Variants in PCDHGA6 observed in about 807,000 individuals in gnomAD.
The protein encoded by PCDHGA6 is protocadherin gamma subfamily A, 6.
In PCDHGA6, 41 loss-of-function variants were observed where a neutral mutation model predicts 60.6. That is an observed-to-expected ratio of 0.68 (90% CI 0.53 to 0.88). The LOEUF (loss-of-function observed/expected upper bound fraction) is 0.88, where lower values mean the gene tolerates loss of function less well. Ranked by LOEUF, PCDHGA6 falls within the 40% of genes least tolerant of loss-of-function variation. The pLI is 0.00. For missense variants in PCDHGA6, 1,312 were observed against 1,203.0 expected, an observed-to-expected ratio of 1.09 and a Z score of -1.34; for synonymous variants, 594 against 524.4, an observed-to-expected ratio of 1.13 and a Z score of -1.81.
chr5:141,493,935 C>T lies in PCDHGA6; in HGVS notation c.2425-872C>T, dbSNP rs1317863228. Among the ~76,000 whole-genome samples the T allele has an allele frequency of 6.6e-6, 1 of 152,158 alleles. No homozygotes were observed. Among genetic ancestry groups the T allele is most frequent in the Non-Finnish European group, 1.5e-5 (1 of 68,020 alleles). On this transcript the variant is annotated intron_variant, in intron 1 of 3. Coordinates refer to ENST00000517434, the MANE Select transcript of PCDHGA6 (RefSeq NM_018919.3). This position sits in a 1 kb window ranked among gnomAD's most constrained non-coding sequence, Gnocchi z 4.3. Reference sequence around the variant, plus strand: ...TGGGATAACACACCCCCTGGAAAGACCAGAAGGGACTCAGGAATGAAGTGG... The same window carrying T: ...TGGGATAACACACCCCCTGGAAAGATCAGAAGGGACTCAGGAATGAAGTGG...
intron 1 of PCDHGA6, chr5:141,410,798 T>C: frequency 1.4e-6 from 1 of 712,186 alleles, no homozygotes; most frequent in Non-Finnish European, 2.1e-6. Flanking sequence ...CATAAGTTGC[T>C]CTATCTTTTT....
In PCDHGA6 at chr5:141,376,100, G is replaced by A. The variant is rs772318189; in HGVS notation, c.2017G>A (p.Ala673Thr). Residue 673 changes from alanine (A) to threonine (T), a missense_variant, in exon 1 of 4, where the codon GCC becomes ACC. Coordinates refer to ENST00000517434, the MANE Select transcript of PCDHGA6 (RefSeq NM_018919.3). ...GGCCGACAGGATCCCCGACATCCTGGCCGACCTGGGCAGCCTCGAGCCCTC... is the reference window on the plus strand; with the variant it reads ...GGCCGACAGGATCCCCGACATCCTGACCGACCTGGGCAGCCTCGAGCCCTC... ...AVADRIPDIL[A>T]DLGSLEPSAK... The A allele has an allele frequency of 6.2e-7, 1 of 1,613,750 alleles. No individual in the cohort carries two copies. The highest frequency in any genetic ancestry group is 8.5e-7 in the Non-Finnish European group (1 of 1,179,932).
chr5:141,510,994 G>A lies in PCDHGA6; in HGVS notation c.2620G>A (p.Gly874Arg). ...CCTGGGAGGGGGTGCCGGCACCATG[G>A]GATTGAGCGCCCGCTACGGACCCCA... ...STLGGGAGTM[G>R]LSARYGPQFT... The change falls in exon 4 of 4, where the codon GGA becomes AGA. Residue 874 changes from glycine to arginine, a missense_variant. Physicochemically the swap from Gly to Arg is moderately radical, Grantham distance 125 (BLOSUM62 -2). Transcript: ENST00000517434. 1 of 1,614,168 alleles carries A rather than the reference G, an allele frequency of 6.2e-7. No homozygotes were observed. Among genetic ancestry groups the A allele is most frequent in the Non-Finnish European group, 8.5e-7 (1 of 1,180,022 alleles).
At chr5:141,405,370 G>C in intron 1 of PCDHGA6, 1 of 1,606,236 alleles carries the variant, frequency 6.2e-7, no homozygotes, top group Non-Finnish European at 8.5e-7. Flanking sequence ...ACACCCCTTT[G>C]GTTCCGGTGA....
chr5:141,405,279 C>G, intron 1 of PCDHGA6: 1 of 1,614,144 alleles, frequency 6.2e-7, no homozygotes, highest in Non-Finnish European at 8.5e-7. Flanking sequence ...CCCAACTATG[C>G]AGACACACTC....
At chr5:141,439,631 A>G (rs1459977985) in intron 1 of PCDHGA6, among the ~76,000 whole-genome samples, 2 of 152,214 alleles carry the variant, frequency 1.3e-5, no homozygotes, top group African/African-American at 2.4e-5. Context: ...ATCCCCAGAC[A>G]TTCCGGCTTG....
chr5:141,422,310 T>A, intron 1 of PCDHGA6: 1 of 1,546,532 alleles, frequency 6.5e-7, no homozygotes, highest in Non-Finnish European at 8.7e-7. Flanking sequence ...TGGAAAACTC[T>A]CCTCCAGGTA....
chr5:141,478,249 A>T, intron 1 of PCDHGA6: 1 of 1,614,110 alleles, frequency 6.2e-7, no homozygotes, highest in African/African-American at 1.3e-5. Context: ...CAGTGTTCGG[A>T]GTAATCATAT....
chr5:141,376,281 C>G lies in PCDHGA6; in HGVS notation c.2198C>G (p.Ala733Gly). Residue 733 changes from alanine to glycine, a missense_variant, in exon 1 of 4, where the codon GCG (alanine) becomes GGG (glycine). Physicochemically the swap from Ala to Gly is moderately conservative, Grantham distance 60. Transcript: ENST00000517434. ...CTGCAGGCTTCGGGAGGTGGCTTAG[C>G]GAGCATGCCCGGCTCGCACTTTGTG... ...RLLQASGGGL[A>G]SMPGSHFVGV... 2 of 1,614,216 alleles carry G rather than the reference C, an allele frequency of 1.2e-6. No homozygotes were observed. The highest frequency in any genetic ancestry group is 1.7e-5 in the Admixed American group (1 of 60,032).
In PCDHGA6 at chr5:141,511,188, C is replaced by A; in HGVS notation, c.*15C>A. 1 of 1,613,804 alleles carries A rather than the reference C, an allele frequency of 6.2e-7. No homozygotes were observed. ...AGAAGAAGTAACATGGAGGCCAGGC[C>A]AAGAGCCACAGGGCGGCCTCTCCCC... On this transcript the variant is annotated 3_prime_UTR_variant, in exon 4 of 4. Transcript: ENST00000517434.
intron 3 of PCDHGA6, among the ~76,000 whole-genome samples, chr5:141,509,962 C>A (rs1186902807): frequency 2.0e-5 from 3 of 152,206 alleles, no homozygotes. Context: ...CGGGTATGGC[C>A]TTGGTCCTTC....
intron 1 of PCDHGA6, among the ~76,000 whole-genome samples, chr5:141,452,300 T>C (rs886540131): frequency 2.0e-5 from 3 of 152,194 alleles, no homozygotes; most frequent in African/African-American, 7.2e-5. Flanking sequence ...TAAGAAAATA[T>C]TAGAGACTCA....
chr5:141,438,617 TATATATATATATATATATACAC>T (rs1342425883), intron 1 of PCDHGA6, among the ~76,000 whole-genome samples: 18 of 37,162 alleles, frequency 4.8e-4, no homozygotes, highest in Admixed American at 2.0e-3. Flanking sequence ...TATATATATA[TATATATATATATATATATACAC>T]ACACACACAC....
chr5:141,432,096 A>G lies in PCDHGA6; in HGVS notation c.2424+55589A>G, dbSNP rs763154183. On this transcript the variant is annotated intron_variant, in intron 1 of 3. Transcript: ENST00000517434. This position sits in a 1 kb window ranked among gnomAD's most constrained non-coding sequence, Gnocchi z 6.0. Reference sequence around the variant, plus strand: ...ATCTCGCTGAACGTGGCAGACACCAACGACAACCCGCCGGTCTTCCCTCAG... The same window carrying G: ...ATCTCGCTGAACGTGGCAGACACCAGCGACAACCCGCCGGTCTTCCCTCAG... The G allele has an allele frequency of 1.9e-6, 3 of 1,613,944 alleles. No homozygotes were observed. Among genetic ancestry groups the G allele is most frequent in the East Asian group, 2.2e-5 (1 of 44,870 alleles).
chr5:141,387,491 A>C (rs1049616816), intron 1 of PCDHGA6, among the ~76,000 whole-genome samples: 1 of 152,240 alleles, frequency 6.6e-6, no homozygotes, highest in African/African-American at 2.4e-5. Flanking sequence ...GGCATTCCTA[A>C]GAGTACATTT....
rs777247531 is a variant in PCDHGA6 at position 141,476,417 on chromosome 5, C to T, written c.2425-18390C>T. 3 of 1,614,112 alleles carry T rather than the reference C, an allele frequency of 1.9e-6. No homozygotes were observed. Among genetic ancestry groups the T allele is most frequent in the Admixed American group, 1.7e-5 (1 of 60,018 alleles). The stretch of plus-strand genomic sequence containing the variant: ...GGATCGAGAGGAGCTGTGTGGGACA[C>T]TGCCCTCTTGCACTGTAACTCTGGA... On this transcript the variant is annotated intron_variant, in intron 1 of 3. Coordinates refer to ENST00000517434, the MANE Select transcript of PCDHGA6 (RefSeq NM_018919.3). The surrounding 1 kb of genome is among the most constrained non-coding windows in gnomAD (Gnocchi z 7.6).
At position 141,487,398 on chromosome 5, in the gene PCDHGA6, G is replaced by A. The variant is rs1342197934; in HGVS notation, c.2425-7409G>A. 1.9e-6 allele frequency: 3 copies of A among 1,613,926 alleles called. No individual in the cohort carries two copies. The African/African-American group carries it at 4.0e-5, about 22-fold the overall frequency. ...CTCACCAGATCTCGAAGGAGGGAGGGGCTTCCCCCTTCCAATGGGATCCTC... is the reference window on the plus strand; with the variant it reads ...CTCACCAGATCTCGAAGGAGGGAGGAGCTTCCCCCTTCCAATGGGATCCTC... On this transcript the variant is annotated intron_variant, in intron 1 of 3. Transcript: ENST00000517434. The surrounding 1 kb of genome is among the most constrained non-coding windows in gnomAD (Gnocchi z 5.0).
chr5:141,478,660 T>C, intron 1 of PCDHGA6: 2 of 1,551,848 alleles, frequency 1.3e-6, no homozygotes, highest in Non-Finnish European at 1.7e-6. Flanking sequence ...TGGTGATGCA[T>C]TCACACTTTC....
At chr5:141,382,900 A>T (rs564801333) in intron 1 of PCDHGA6, 4 of 1,542,372 alleles carry the variant, frequency 2.6e-6, no homozygotes, top group Admixed American at 4.2e-5. Context: ...CAGGACGACT[A>T]TGGCGGCTCA....
Sources: allele counts gnomAD v4.1 joint callset (sites outside exome capture counted in the v4.1 genomes callset), GRCh38; gene constraint gnomAD v4.1.1; non-coding constraint Gnocchi (gnomAD v3.1); transcripts MANE v1.5; gene names NCBI Gene and HGNC (gene_info 2026-07-23, HGNC 2026-07-21).